The following ELF2 variants were observed in gnomAD, a reference collection of about 807,000 sequenced individuals.
The protein encoded by ELF2 is ETS-related transcription factor Elf-2.
Under a neutral mutation model 54.8 loss-of-function variants are expected in ELF2, and 11 were observed. The ratio of observed to expected loss-of-function variants is 0.20; its 90% CI spans 0.13 to 0.33. The LOEUF (loss-of-function observed/expected upper bound fraction) is 0.33, where lower values mean the gene tolerates loss of function less well. Ranked by LOEUF, ELF2 falls within the 10% of genes least tolerant of loss-of-function variation. The pLI is 1.00. For missense variants in ELF2, 513 were observed against 703.0 expected, an observed-to-expected ratio of 0.73 and a Z score of 3.06; for synonymous variants, 203 against 245.1, an observed-to-expected ratio of 0.83 and a Z score of 1.61.
At chr4:139,084,942 G>A (rs1731805880) in intron 4 of ELF2, among the ~76,000 whole-genome samples, 1 of 152,118 alleles carries the variant, frequency 6.6e-6, no homozygotes, top group African/African-American at 2.4e-5. Context: ...TCCCTTAACA[G>A]AAGTGTCAAA....
chr4:139,152,204 G>A (rs1352778236), intron 1 of ELF2, among the ~76,000 whole-genome samples: 2 of 152,082 alleles, frequency 1.3e-5, no homozygotes. Context: ...TTTACTACAT[G>A]TAAATTAAAC....
chr4:139,160,862 C>G (rs902099708), intron 1 of ELF2, among the ~76,000 whole-genome samples: 4 of 152,228 alleles, frequency 2.6e-5, no homozygotes, highest in Admixed American at 2.6e-4. Context: ...GCTCCAGAAG[C>G]TGAGACAGAA....
intron 4 of ELF2, among the ~76,000 whole-genome samples, chr4:139,118,428 C>T (rs879553157): frequency 6.6e-5 from 10 of 152,072 alleles, no homozygotes; most frequent in East Asian, 1.9e-4. Context: ...AGCAAACACT[C>T]AGAAGCATAA....
chr4:139,060,004 T>C (rs1368685239), intron 9 of ELF2, among the ~76,000 whole-genome samples: 6 of 152,230 alleles, frequency 3.9e-5, no homozygotes, highest in Admixed American at 3.9e-4. Flanking sequence ...TGTGCCACCA[T>C]GCTCAGCAAT....
chr4:139,133,939 C>A (rs1205456791), intron 3 of ELF2, among the ~76,000 whole-genome samples: 1 of 152,162 alleles, frequency 6.6e-6, no homozygotes, highest in Non-Finnish European at 1.5e-5. Flanking sequence ...GTTATATCAT[C>A]TAGAAATAAA....
At chr4:139,101,870 G>A (rs1469071718) in intron 4 of ELF2, 1 of 151,566 alleles carries the variant, frequency 6.6e-6, no homozygotes, top group Non-Finnish European at 1.5e-5. Context: ...TATTAGCAAT[G>A]GAATTAAAAA....
chr4:139,145,148 C>T (rs1037886727), intron 1 of ELF2, among the ~76,000 whole-genome samples: 23 of 152,224 alleles, frequency 1.5e-4, no homozygotes, highest in African/African-American at 5.3e-4. Context: ...ATGCATGACC[C>T]AGTTATCAGC....
chr4:139,086,624 T>G (rs1223974887), intron 4 of ELF2, among the ~76,000 whole-genome samples: 1 of 152,212 alleles, frequency 6.6e-6, no homozygotes, highest in Non-Finnish European at 1.5e-5. Flanking sequence ...AGCAAGTTTC[T>G]GTTATAGGTG....
intron 4 of ELF2, among the ~76,000 whole-genome samples, chr4:139,086,205 T>C (rs535668322): frequency 2.9e-5 from 3 of 104,662 alleles, no homozygotes; most frequent in Admixed American, 1.2e-4. Context: ...AATGAGAGAA[T>C]AGGAAGAGGC....
chr4:139,134,040 T>C (rs899665828), intron 3 of ELF2, among the ~76,000 whole-genome samples: 1 of 152,172 alleles, frequency 6.6e-6, no homozygotes, highest in Non-Finnish European at 1.5e-5. Flanking sequence ...ATAAAGGTGG[T>C]TAGGGCAGAC....
At chr4:139,125,834 A>G (rs1736864616) in intron 3 of ELF2, among the ~76,000 whole-genome samples, 1 of 151,954 alleles carries the variant, frequency 6.6e-6, no homozygotes, top group East Asian at 1.9e-4. Flanking sequence ...AGTGTAGAGA[A>G]TCTACAGAAA....
chr4:139,111,681 G>A (rs2148809489), intron 4 of ELF2, among the ~76,000 whole-genome samples: 1 of 152,196 alleles, frequency 6.6e-6, no homozygotes, highest in South Asian at 2.1e-4. Context: ...ATACAAATGG[G>A]CATGGACAAT....
intron 4 of ELF2, among the ~76,000 whole-genome samples, chr4:139,117,608 T>G (rs769219818): frequency 4.6e-5 from 7 of 151,996 alleles, no homozygotes; most frequent in Middle Eastern, 3.2e-3. Flanking sequence ...GGCACAAGAA[T>G]TGCTTGAACC....
intron 1 of ELF2, among the ~76,000 whole-genome samples, chr4:139,152,011 T>C (rs558888331): frequency 6.6e-6 from 1 of 152,350 alleles, no homozygotes; most frequent in African/African-American, 2.4e-5. Flanking sequence ...AGGGTGACTC[T>C]ATTTATATGA....
intron 1 of ELF2, among the ~76,000 whole-genome samples, chr4:139,147,221 A>C (rs550896302): frequency 6.6e-6 from 1 of 152,332 alleles, no homozygotes; most frequent in Non-Finnish European, 1.5e-5. Flanking sequence ...AAAAGTGGGA[A>C]AATGACATGA....
chr4:139,072,116 G>A, intron 5 of ELF2, 77 bp from the exon 6 acceptor site: 2 of 1,402,028 alleles, frequency 1.4e-6, no homozygotes, highest in Non-Finnish European at 2.0e-6. Context: ...ATATTTAGAA[G>A]AGGCGAGGTG....
At chr4:139,065,487 A>T (rs932283772) in intron 7 of ELF2, among the ~76,000 whole-genome samples, 11 of 152,296 alleles carry the variant, frequency 7.2e-5, no homozygotes, top group Middle Eastern at 3.4e-3. Context: ...ATAGAAAAAA[A>T]TTATTAAAAA....
intron 7 of ELF2, chr4:139,066,437 G>T (rs554064627): frequency 6.6e-6 from 1 of 151,420 alleles, no homozygotes; most frequent in South Asian, 2.1e-4. Context: ...GGGGCACTCT[G>T]TTTCTACAAA....
intron 4 of ELF2, among the ~76,000 whole-genome samples, chr4:139,107,601 G>C (rs1422271482): frequency 6.6e-6 from 1 of 152,132 alleles, no homozygotes; most frequent in Non-Finnish European, 1.5e-5. Context: ...AAAAGAGACA[G>C]AGAGGCATCT....
Sources: gnomAD v4.1 joint callset for allele counts (sites outside exome capture counted in the v4.1 genomes callset) on GRCh38, gnomAD v4.1.1 for gene constraint, MANE v1.5 for transcripts, NCBI Gene and HGNC (gene_info 2026-07-23, HGNC 2026-07-21) for gene names.